The following USP35 variants were observed in gnomAD, a reference collection of about 807,000 sequenced individuals.
USP35 encodes ubiquitin carboxyl-terminal hydrolase 35.
USP35 carries 69 observed loss-of-function variants against 83.8 expected under a neutral mutation model. The observed-to-expected ratio is 0.82, with a 90% CI of 0.68 to 1.01. The LOEUF is 1.01. Among genes scored for constraint, USP35 ranks in the 50% least tolerant of loss-of-function variants. The probability of loss-of-function intolerance (pLI) is 0.00; values close to 1 mark genes in which losing one functional copy is unlikely to be tolerated. For synonymous variants in USP35, 714 were observed against 589.5 expected, an observed-to-expected ratio of 1.21 and a Z score of -3.06; for missense variants, 1,503 against 1,362.5, an observed-to-expected ratio of 1.10 and a Z score of -1.62.
chr11:78,227,280 C>A, the USP35 span, among the ~76,000 whole-genome samples: 1 of 152,172 alleles, frequency 6.6e-6, no homozygotes, highest in Non-Finnish European at 1.5e-5. Context: ...TTATAACCCC[C>A]ACTCCCTGAA....
chr11:78,206,093 A>T (rs529491208), intron 7 of USP35, 58 bp downstream of exon 7: 8 of 1,540,600 alleles, frequency 5.2e-6, no homozygotes, highest in South Asian at 1.2e-5. Flanking sequence ...GGGCTCCCTG[A>T]TGACAGGTGG....
chr11:78,219,458 C>A, downstream of USP35: 1 of 1,594,176 alleles, frequency 6.3e-7, no homozygotes, highest in Non-Finnish European at 8.6e-7. Context: ...TGTGAGTTAC[C>A]AGTTAGGTGG....
the USP35 span, among the ~76,000 whole-genome samples, chr11:78,221,357 CCACTGAGGAGATACCTCCAG>C: frequency 1.3e-5 from 2 of 152,176 alleles, no homozygotes; most frequent in Non-Finnish European, 2.9e-5. Flanking sequence ...GATACCTCCA[CCACTGAGGAGATACCTCCAG>C]CACTGCCTAT....
downstream of USP35, chr11:78,216,911 C>G (rs576004419): frequency 6.6e-6 from 1 of 152,346 alleles, no homozygotes; most frequent in African/African-American, 2.4e-5. Flanking sequence ...ACCACCACTG[C>G]TTCCATTCAC....
the USP35 span, among the ~76,000 whole-genome samples, chr11:78,231,336 G>GGTGTGTGTGTGTGTGTGTGT: frequency 2.2e-3 from 327 of 145,888 alleles, 1 homozygote; most frequent in Middle Eastern, 0.01. Context: ...GCGCGTGTGT[G>GGTGTGTGTGTGTGTGTGTGT]GTGTGTGTGT....
At chr11:78,226,656 A>G in the USP35 span, 1 of 1,613,900 alleles carries the variant, frequency 6.2e-7, no homozygotes. Context: ...GGCCACTGTC[A>G]TGGCATTGTG....
rs1863632138 is a variant in USP35, at chr11:78,209,051, A to G, written c.1592+88A>G. On this transcript the variant is annotated intron_variant, in intron 9 of 10. Transcript: ENST00000529308. ...ACCTCTGAGCTGTGTTGCAGCGTCC[A>G]GGGAATAAGTGTGCTGCCTCCAACA... is the stretch of plus-strand genomic sequence containing the variant. 3.7e-6 allele frequency: 5 copies of G among 1,347,586 alleles called. No homozygotes were observed. In the Admixed American group the frequency reaches 6.4e-5, roughly 17 times the overall value. The allele number at this position is 1,347,586 out of a possible 1,614,324, so 83.5% of individuals were successfully genotyped here.
At chr11:78,226,619 G>GGGGGGGGGGGGGGGGGGGCC in the USP35 span, 4 of 952,062 alleles carry the variant, frequency 4.2e-6, no homozygotes, top group Middle Eastern at 2.3e-4. Context: ...GGCGGGGTGG[G>GGGGGGGGGGGGGGGGGGGCC]GGAGCTATGG....
the USP35 span, chr11:78,231,824 G>C: frequency 6.6e-6 from 1 of 152,192 alleles, no homozygotes; most frequent in Non-Finnish European, 1.5e-5. Flanking sequence ...TTTTCAATGA[G>C]TATGTTCCCA....
chr11:78,220,417 G>C, the USP35 span: 1 of 1,590,008 alleles, frequency 6.3e-7, no homozygotes, highest in Admixed American at 1.7e-5. Flanking sequence ...GTGCCACTGG[G>C]AACGGGAGAT....
the USP35 span, among the ~76,000 whole-genome samples, chr11:78,222,837 C>T: frequency 1.3e-5 from 2 of 152,206 alleles, no homozygotes; most frequent in Non-Finnish European, 2.9e-5. Context: ...CTCGCCTCAG[C>T]CTCCCAAAGT....
intron 1 of USP35, among the ~76,000 whole-genome samples, chr11:78,191,839 ATCT>A (rs935166249): frequency 6.3e-5 from 9 of 143,634 alleles, no homozygotes; most frequent in African/African-American, 2.1e-4. Context: ...CCCGGCCCTC[ATCT>A]TTTTTTTTTT....
chr11:78,214,785 T>TCAGCCTGCCC lies in USP35; in HGVS notation c.*974_*983dup, dbSNP rs1177375506. 6.6e-6 allele frequency: 1 copy of TCAGCCTGCCC among 152,256 alleles called. No homozygotes were observed. The highest frequency in any genetic ancestry group is 1.5e-5 in the Non-Finnish European group (1 of 68,086). The allele number at this position is 152,256 out of a possible 1,614,324, so 9.4% of individuals were successfully genotyped here. The stretch of plus-strand genomic sequence containing the variant: ...TCACGGGGTCTGGGGAGGCCAGGAC[T>TCAGCCTGCCC]CAGCCTGCCCCCCAGTGACGTGTGA... On this transcript the variant is annotated 3_prime_UTR_variant, in exon 11 of 11. Coordinates refer to ENST00000529308, the MANE Select transcript of USP35 (RefSeq NM_020798.4).
Position 78,209,918 on chromosome 11 carries a change from C to T in USP35, c.2063C>T (p.Thr688Met), listed in dbSNP as rs118006862. ...GAGGAAGAAGGGAAGGAGGAGAGAA[C>T]GGAGAAGGAAGAAGTGGGGGAGGAG... ...EREEEGKEER[T>M]EKEEVGEEEE... The change falls in exon 10 of 11, where the codon ACG becomes ATG. Residue 688 changes from threonine to methionine, a missense_variant. Transcript: ENST00000529308. 0.021 allele frequency: 34,257 copies of T among 1,598,314 alleles called. 446 individuals carry two copies. The highest frequency in any genetic ancestry group is 0.026 in the Non-Finnish European group (30,246 of 1,172,410).
the USP35 span, chr11:78,226,611 C>CGGGGGGGGGGGGGGGGG: frequency 7.1e-6 from 2 of 282,920 alleles, no homozygotes; most frequent in Non-Finnish European, 1.3e-5. Flanking sequence ...CTTGGGGGGG[C>CGGGGGGGGGGGGGGGGG]GGGGTGGGGG....
intron 10 of USP35, among the ~76,000 whole-genome samples, chr11:78,212,215 GTTTTTGTCAGGTTT>G (rs1279651797): frequency 6.6e-6 from 1 of 152,156 alleles, no homozygotes; most frequent in African/African-American, 2.4e-5. Context: ...CCCATTGCTT[GTTTTTGTCAGGTTT>G]GTTGAAGATG....
At chr11:78,216,010 TAA>T (rs1864122292), downstream of USP35, 1 of 152,602 alleles carries the variant, frequency 6.6e-6, no homozygotes, top group Non-Finnish European at 1.5e-5. Flanking sequence ...TGGAAACCAC[TAA>T]AGTCAAGCTA....
At chr11:78,192,286 C>A (rs1291031554) in intron 1 of USP35, among the ~76,000 whole-genome samples, 1 of 152,192 alleles carries the variant, frequency 6.6e-6, no homozygotes, top group Non-Finnish European at 1.5e-5. Flanking sequence ...TGAGTCAGAG[C>A]CAGCATGGAC....
chr11:78,233,578 G>C, the USP35 span, among the ~76,000 whole-genome samples: 1 of 151,996 alleles, frequency 6.6e-6, no homozygotes, highest in African/African-American at 2.4e-5. Context: ...TTAGATATGC[G>C]CGTTGAATAT....
Sources: allele counts gnomAD v4.1 joint callset (sites outside exome capture counted in the v4.1 genomes callset), GRCh38; gene constraint gnomAD v4.1.1; transcripts MANE v1.5; gene names NCBI Gene and HGNC (gene_info 2026-07-23, HGNC 2026-07-21).